Variants in NSUN6 observed in about 807,000 individuals in gnomAD.
NSUN6 encodes the protein NOP2/Sun RNA methyltransferase 6.
A neutral mutation model predicts 58.0 loss-of-function variants in NSUN6; 64 were observed. The observed-to-expected ratio is 1.10, with a 90% CI of 0.90 to 1.36. The LOEUF (loss-of-function observed/expected upper bound fraction) is 1.36. Among genes scored for constraint, NSUN6 ranks in the 40% most tolerant of loss-of-function variants. The probability of loss-of-function intolerance (pLI) is 0.00; values close to 1 mark genes in which losing one functional copy is unlikely to be tolerated. For missense variants in NSUN6, 701 were observed against 550.1 expected (o/e 1.27, Z -2.74); for synonymous variants, 231 against 193.9 (o/e 1.19, Z -1.59).
At chr10:18,625,638 G>A (rs559148085) in intron 3 of NSUN6, among the ~76,000 whole-genome samples, 28 of 149,216 alleles carry the variant, frequency 1.9e-4, no homozygotes, top group Admixed American at 1.3e-3. Context: ...ACTTGAATCC[G>A]GGACGCAAAA....
At chr10:18,614,636 TTACA>T in intron 4 of NSUN6, 23 bp from the exon 5 acceptor site, 4 of 1,213,550 alleles carry the variant, frequency 3.3e-6, no homozygotes, top group East Asian at 2.7e-5. Context: ...GAAAATCAGA[TTACA>T]CTGATTTATA....
At chr10:18,646,749 T>C (rs2059558280) in intron 2 of NSUN6, among the ~76,000 whole-genome samples, 1 of 152,106 alleles carries the variant, frequency 6.6e-6, no homozygotes, top group Non-Finnish European at 1.5e-5. Flanking sequence ...GAGAATCGCT[T>C]GAACACAGGA....
intron 8 of NSUN6, among the ~76,000 whole-genome samples, chr10:18,580,007 C>G (rs1433042629): frequency 6.6e-6 from 1 of 152,104 alleles, no homozygotes; most frequent in Non-Finnish European, 1.5e-5. Context: ...CCTTTCGCAC[C>G]TGTAACTACA....
Position 18,630,327 on chromosome 10 carries a change from A to G in NSUN6, c.311+12149T>C, listed in dbSNP as rs1473627966. On this transcript the variant is annotated intron_variant, in intron 3 of 10. Transcript: ENST00000377304. The stretch of plus-strand genomic sequence containing the variant: ...GGAAAGATCCAAAATTGACACCCTA[A>G]CATCACAATTAAAAGAACTAGAAAA... Among the ~76,000 whole-genome samples, 8 of 150,698 alleles carry G rather than the reference A, an allele frequency of 5.3e-5. No individual in the cohort carries two copies. In the East Asian group the frequency reaches 1.2e-3, roughly 22 times the overall value.
upstream of NSUN6, among the ~76,000 whole-genome samples, chr10:18,656,322 A>C (rs2059776960): frequency 6.6e-6 from 1 of 152,238 alleles, no homozygotes; most frequent in African/African-American, 2.4e-5. Context: ...GTGGATCACG[A>C]GGTCAGGAGT....
intron 8 of NSUN6, among the ~76,000 whole-genome samples, chr10:18,578,668 A>G (rs1437146785): frequency 6.6e-6 from 1 of 152,160 alleles, no homozygotes; most frequent in African/African-American, 2.4e-5. Context: ...CTCTACTGAA[A>G]TACCTTCTGG....
intron 8 of NSUN6, among the ~76,000 whole-genome samples, chr10:18,566,442 ATCCATTCCATTCTGCAT>A (rs1466785136): frequency 1.5e-5 from 2 of 132,252 alleles, no homozygotes; most frequent in South Asian, 2.4e-4. Flanking sequence ...CCGTTCAGCA[ATCCATTCCATTCTGCAT>A]TCCATTCCAT....
At chr10:18,563,152 G>A (rs1343452737) in intron 8 of NSUN6, among the ~76,000 whole-genome samples, 7 of 150,588 alleles carry the variant, frequency 4.6e-5, no homozygotes, top group Non-Finnish European at 3.0e-5. Context: ...ATGGAGAGTG[G>A]AACAAAATGG....
chr10:18,611,587 T>C (rs940770738), intron 5 of NSUN6, among the ~76,000 whole-genome samples: 5 of 152,168 alleles, frequency 3.3e-5, no homozygotes, highest in African/African-American at 1.2e-4. Context: ...TGGAGCGCAG[T>C]GGCACAATCA....
At chr10:18,612,793 C>A (rs535849351) in intron 5 of NSUN6, among the ~76,000 whole-genome samples, 2 of 152,160 alleles carry the variant, frequency 1.3e-5, no homozygotes, top group Non-Finnish European at 2.9e-5. Context: ...ACTTTTGTAG[C>A]CACATATCTC....
intron 3 of NSUN6, among the ~76,000 whole-genome samples, chr10:18,624,911 T>C (rs2058738374): frequency 6.6e-6 from 1 of 152,108 alleles, no homozygotes; most frequent in Admixed American, 6.6e-5. Flanking sequence ...AACACATGTT[T>C]ATTCGGAGCA....
Position 18,595,518 on chromosome 10 carries a change from T to C in NSUN6, c.777+690A>G, listed in dbSNP as rs187115147. 9.8e-4 allele frequency among the ~76,000 whole-genome samples: 150 copies of C among 152,350 alleles called. 1 individual carries two copies. In the Middle Eastern group the frequency reaches 0.068, roughly 70 times the overall value. On this transcript the variant is annotated intron_variant, in intron 7 of 10. Coordinates refer to ENST00000377304, the MANE Select transcript of NSUN6 (RefSeq NM_182543.5). Reference sequence around the variant, plus strand: ...CGCCACAAAATCAACCCTTCTTATTTCAGGTGCTTTATTTTAGGCCCTAGT... The same window carrying C: ...CGCCACAAAATCAACCCTTCTTATTCCAGGTGCTTTATTTTAGGCCCTAGT...
chr10:18,588,640 T>C (rs1329225476), intron 7 of NSUN6, among the ~76,000 whole-genome samples: 5 of 152,096 alleles, frequency 3.3e-5, no homozygotes, highest in Non-Finnish European at 5.9e-5. Flanking sequence ...TCAAACAGGG[T>C]CTGGGGTGGA....
intron 8 of NSUN6, among the ~76,000 whole-genome samples, chr10:18,568,727 A>T (rs1265247382): frequency 6.7e-6 from 1 of 149,708 alleles, no homozygotes; most frequent in African/African-American, 2.5e-5. Flanking sequence ...ATTCCATTTC[A>T]TTCTCCATTG....
chr10:18,647,365 G>T (rs1292170502), intron 2 of NSUN6, among the ~76,000 whole-genome samples: 1 of 152,186 alleles, frequency 6.6e-6, no homozygotes, highest in Admixed American at 6.5e-5. Context: ...TTACCAGTCA[G>T]TGAATAACTA....
At position 18,616,290 on chromosome 10, in the gene NSUN6, C is replaced by T; in HGVS notation, c.315G>A (p.Lys105=). The T allele has an allele frequency of 1.3e-6, 2 of 1,592,174 alleles. No homozygotes were observed. Among genetic ancestry groups the T allele is most frequent in the African/African-American group, 1.3e-5 (1 of 74,618 alleles). Residue 105 remains lysine, a synonymous_variant, in exon 4 of 11, where the codon AAG becomes AAA. Coordinates refer to ENST00000377304, the MANE Select transcript of NSUN6 (RefSeq NM_182543.5). ...CTTCACACTGTTGTTTTTTAATATT[C>T]TTTCTAGAAATGTAAGACACAAGAA... ...VLLIPVIGPR[K]NIKKQQCEAI... is the part of the protein sequence containing the mutation.
intron 8 of NSUN6, among the ~76,000 whole-genome samples, chr10:18,564,773 TTCCATTC>T (rs146562610): frequency 0.36 from 50,629 of 139,892 alleles, 9,005 homozygotes; most frequent in East Asian, 0.73. Flanking sequence ...CTGCATTCCA[TTCCATTC>T]TCCATTCCAT....
At chr10:18,626,776 G>GAA (rs5783617) in intron 3 of NSUN6, among the ~76,000 whole-genome samples, 1 of 150,952 alleles carries the variant, frequency 6.6e-6, no homozygotes, top group African/African-American at 2.4e-5. Context: ...CTGGGTGGGG[G>GAA]AAAAAAAAAG....
chr10:18,570,432 C>G (rs1769653470), intron 8 of NSUN6, among the ~76,000 whole-genome samples: 1 of 148,086 alleles, frequency 6.8e-6, no homozygotes, highest in Non-Finnish European at 1.5e-5. Flanking sequence ...TTCCATTCTC[C>G]ATTCCATTCC....
Sources: allele counts gnomAD v4.1 joint callset (sites outside exome capture counted in the v4.1 genomes callset), GRCh38; gene constraint gnomAD v4.1.1; transcripts MANE v1.5; gene names NCBI Gene and HGNC (gene_info 2026-07-23, HGNC 2026-07-21).